NR3C2: variants seen among roughly 807,000 people sequenced by gnomAD.
NR3C2 encodes the protein mineralocorticoid receptor.
Under a neutral mutation model 86.4 loss-of-function variants are expected in NR3C2, and 15 were observed. The ratio of observed to expected loss-of-function variants is 0.17; its 90% CI spans 0.12 to 0.27. The LOEUF is 0.27. Among genes scored for constraint, NR3C2 ranks in the 10% least tolerant of loss-of-function variants. The pLI is 1.00. For missense variants in NR3C2, 960 were observed against 1,195.6 expected (o/e 0.80, Z 2.91); for synonymous variants, 458 against 450.5 (o/e 1.02, Z -0.21).
chr4:148,285,707 A>C (rs1419480415), intron 2 of NR3C2, among the ~76,000 whole-genome samples: 1 of 152,100 alleles, frequency 6.6e-6, no homozygotes, highest in Admixed American at 6.6e-5. Flanking sequence ...CTCTGTCTCA[A>C]AAAAAACAAA....
chr4:148,245,357 T>C lies in NR3C2; in HGVS notation c.1897+14621A>G, dbSNP rs538939430. Among the ~76,000 whole-genome samples, 282 of 152,086 alleles carry C rather than the reference T, an allele frequency of 1.9e-3. 2 individuals carry two copies. Among genetic ancestry groups the C allele is most frequent in the African/African-American group, 6.4e-3 (265 of 41,454 alleles). ...TTGCCCAAAGTCCTAGGGCCAGGAGTGTCACATGATGAAATAAAATAAGAA... is the reference window on the plus strand; with the variant it reads ...TTGCCCAAAGTCCTAGGGCCAGGAGCGTCACATGATGAAATAAAATAAGAA... On this transcript the variant is annotated intron_variant, in intron 3 of 8. Transcript: ENST00000358102.
At chr4:148,260,265 A>G (rs2149872029) in intron 2 of NR3C2, 148 bp from the exon 3 acceptor site, 2 of 994,782 alleles carry the variant, frequency 2.0e-6, no homozygotes, top group Admixed American at 4.0e-5. Context: ...TAGCAAAATA[A>G]AGGTAAAACC....
At chr4:148,410,199 T>C (rs1318548128) in intron 2 of NR3C2, among the ~76,000 whole-genome samples, 1 of 152,248 alleles carries the variant, frequency 6.6e-6, no homozygotes, top group Non-Finnish European at 1.5e-5. Flanking sequence ...CCCATTGTTA[T>C]GAAATGTAAG....
Position 148,177,600 on chromosome 4 carries a change from A to C in NR3C2, c.2014+17146T>G, listed in dbSNP as rs565645627. Among the ~76,000 whole-genome samples the C allele has an allele frequency of 3.3e-5, 5 of 152,360 alleles. No homozygotes were observed. The South Asian group carries it at 1.0e-3, about 32-fold the overall frequency. On this transcript the variant is annotated intron_variant, in intron 4 of 8. Coordinates refer to ENST00000358102, the MANE Select transcript of NR3C2 (RefSeq NM_000901.5). ...CATTAAGTTATATTCCTCAGTGGAC[A>C]CACCTATTCACAGAAAGTAAGTGAA...
chr4:148,290,318 G>C (rs911674444), intron 2 of NR3C2, among the ~76,000 whole-genome samples: 3 of 152,096 alleles, frequency 2.0e-5, no homozygotes, highest in African/African-American at 7.2e-5. Flanking sequence ...TCCAAATATA[G>C]GTACTGAGAG....
At chr4:148,203,839 G>C (rs536087642) in intron 3 of NR3C2, among the ~76,000 whole-genome samples, 2 of 152,162 alleles carry the variant, frequency 1.3e-5, no homozygotes, top group Non-Finnish European at 2.9e-5. Flanking sequence ...TGAGGTTTAT[G>C]AGTGGGCCTG....
At chr4:148,236,010 C>A (rs1234767223) in intron 3 of NR3C2, among the ~76,000 whole-genome samples, 2 of 152,232 alleles carry the variant, frequency 1.3e-5, no homozygotes, top group African/African-American at 4.8e-5. Flanking sequence ...CGGGCAGATG[C>A]AAGATCTGAA....
At chr4:148,382,506 G>C (rs139699484) in intron 2 of NR3C2, among the ~76,000 whole-genome samples, 1 of 152,212 alleles carries the variant, frequency 6.6e-6, no homozygotes, top group African/African-American at 2.4e-5. Context: ...ACACAGATCT[G>C]TTCAACTCCA....
At chr4:148,302,085 A>G (rs1742366817) in intron 2 of NR3C2, among the ~76,000 whole-genome samples, 1 of 152,110 alleles carries the variant, frequency 6.6e-6, no homozygotes, top group Non-Finnish European at 1.5e-5. Flanking sequence ...TTTGTTATTC[A>G]CAGATAATTG....
At chr4:148,153,153 C>T (rs1298830843) in intron 5 of NR3C2, among the ~76,000 whole-genome samples, 1 of 152,122 alleles carries the variant, frequency 6.6e-6, no homozygotes, top group Non-Finnish European at 1.5e-5. Flanking sequence ...TCCTCCCTGC[C>T]TGACAGACTC....
intron 2 of NR3C2, among the ~76,000 whole-genome samples, chr4:148,274,179 T>G (rs539325928): frequency 6.6e-6 from 1 of 152,044 alleles, no homozygotes; most frequent in South Asian, 2.1e-4. Flanking sequence ...CAGCAAAAAC[T>G]TTCCAAACAT....
chr4:148,267,706 TA>T (rs1208543332), intron 2 of NR3C2, among the ~76,000 whole-genome samples: 1 of 152,128 alleles, frequency 6.6e-6, no homozygotes, highest in Non-Finnish European at 1.5e-5. Flanking sequence ...ATCATTAAGA[TA>T]AATAATTATT....
intron 3 of NR3C2, among the ~76,000 whole-genome samples, chr4:148,244,233 G>T (rs923475736): frequency 1.6e-4 from 24 of 152,272 alleles, no homozygotes; most frequent in Non-Finnish European, 3.2e-4. Context: ...CTTCTTGAGG[G>T]CCGGATAGCT....
At chr4:148,356,806 A>G (rs2149998651) in intron 2 of NR3C2, among the ~76,000 whole-genome samples, 1 of 151,446 alleles carries the variant, frequency 6.6e-6, no homozygotes, top group Middle Eastern at 3.4e-3. Context: ...ATCAGAGATT[A>G]AAATGAAATA....
At chr4:148,095,579 A>G (rs1401609118) in intron 8 of NR3C2, among the ~76,000 whole-genome samples, 1 of 152,148 alleles carries the variant, frequency 6.6e-6, no homozygotes, top group Non-Finnish European at 1.5e-5. Flanking sequence ...TTCTTGGCCA[A>G]AAGTTTGTCA....
chr4:148,307,170 CA>C (rs5862834), intron 2 of NR3C2, among the ~76,000 whole-genome samples: 119,237 of 150,648 alleles, frequency 0.79, 47,175 homozygotes, highest in African/African-American at 0.81. Flanking sequence ...GTTAAAAATG[CA>C]AAAAAAAAAC....
chr4:148,341,498 A>G lies in NR3C2; in HGVS notation c.1758-81381T>C, dbSNP rs543941025. Among the ~76,000 whole-genome samples, 32 of 152,284 alleles carry G rather than the reference A, an allele frequency of 2.1e-4. 1 individual carries two copies. The highest frequency in any genetic ancestry group is 8.3e-4 in the South Asian group (4 of 4,828). ...GAAGAGAGGTTGGTTAATGAGTACA[A>G]ATATACAGTTAGATAAAAGGAATAA... On this transcript the variant is annotated intron_variant, in intron 2 of 8. Transcript: ENST00000358102.
intron 7 of NR3C2, among the ~76,000 whole-genome samples, chr4:148,116,246 A>C (rs1279387568): frequency 6.6e-6 from 1 of 152,222 alleles, no homozygotes; most frequent in Non-Finnish European, 1.5e-5. Context: ...TAGATCAAAA[A>C]TTCTAAAAAT....
intron 2 of NR3C2, among the ~76,000 whole-genome samples, chr4:148,410,751 G>A (rs766614699): frequency 3.5e-4 from 54 of 152,152 alleles, no homozygotes; most frequent in Non-Finnish European, 5.1e-4. Context: ...CAAGCAGTGA[G>A]TATTTGTATA....
Sources: allele counts gnomAD v4.1 joint callset (sites outside exome capture counted in the v4.1 genomes callset), GRCh38; gene constraint gnomAD v4.1.1; transcripts MANE v1.5; gene names NCBI Gene and HGNC (gene_info 2026-07-23, HGNC 2026-07-21).